The following DTWD2 variants were observed in gnomAD, a reference collection of about 807,000 sequenced individuals.
DTWD2 encodes tRNA-uridine aminocarboxypropyltransferase 2.
DTWD2 carries 39 observed loss-of-function variants against 31.8 expected under a neutral mutation model. The ratio of observed to expected loss-of-function variants is 1.22; its 90% CI spans 0.95 to 1.60. The LOEUF is 1.60. Ranked by LOEUF, DTWD2 falls within the 40% of genes most tolerant of loss-of-function variation. The probability of loss-of-function intolerance (pLI) is 0.00; values close to 1 mark genes in which losing one functional copy is unlikely to be tolerated. For missense variants in DTWD2, 515 were observed against 381.5 expected, an observed-to-expected ratio of 1.35 and a Z score of -2.92; for synonymous variants, 180 against 142.8, an observed-to-expected ratio of 1.26 and a Z score of -1.86.
chr5:118,908,042 C>G (rs1223870856), intron 4 of DTWD2, among the ~76,000 whole-genome samples: 1 of 152,092 alleles, frequency 6.6e-6, no homozygotes, highest in East Asian at 1.9e-4. Context: ...TATAAACTTG[C>G]CTTGAAGATG....
At chr5:118,899,251 A>C (rs1382414857) in intron 4 of DTWD2, among the ~76,000 whole-genome samples, 1 of 152,246 alleles carries the variant, frequency 6.6e-6, no homozygotes, top group African/African-American at 2.4e-5. Context: ...CATGTCAGAT[A>C]AGCTTAATTC....
intron 4 of DTWD2, among the ~76,000 whole-genome samples, chr5:118,904,334 T>G (rs932650942): frequency 6.6e-6 from 1 of 152,074 alleles, no homozygotes; most frequent in Non-Finnish European, 1.5e-5. Flanking sequence ...CAGTGTCTAA[T>G]AAAAAGAATA....
intron 4 of DTWD2, among the ~76,000 whole-genome samples, chr5:118,894,361 CAGAAATGCGGAATAAAAATACA>C (rs1753037420): frequency 6.6e-6 from 1 of 152,014 alleles, no homozygotes; most frequent in African/African-American, 2.4e-5. Flanking sequence ...AATTTATACA[CAGAAATGCGGAATAAAAATACA>C]AAACAATTTT....
rs1300985571 is a variant in DTWD2 at position 118,844,316 on chromosome 5, A to G, written c.727-3229T>C. ...GCCACATCTATCTTTAAAAATTCCTATGATAAAACTTCGTAAGTAGAAAAG... is the reference window on the plus strand; with the variant it reads ...GCCACATCTATCTTTAAAAATTCCTGTGATAAAACTTCGTAAGTAGAAAAG... On this transcript the variant is annotated intron_variant, in intron 5 of 5. Coordinates refer to ENST00000510708, the MANE Select transcript of DTWD2 (RefSeq NM_173666.4). 2.0e-5 allele frequency among the ~76,000 whole-genome samples: 3 copies of G among 152,356 alleles called. No individual in the cohort carries two copies. In the East Asian group the frequency reaches 5.8e-4, roughly 29 times the overall value.
At chr5:118,954,703 T>C (rs1054582387) in intron 1 of DTWD2, among the ~76,000 whole-genome samples, 1 of 152,080 alleles carries the variant, frequency 6.6e-6, no homozygotes, top group African/African-American at 2.4e-5. Flanking sequence ...ATAATTAATG[T>C]TATTTTTGGA....
Position 118,837,950 on chromosome 5 carries a change from G to C in DTWD2, c.*2967C>G, listed in dbSNP as rs1751609361. 1 of 152,058 alleles carries C rather than the reference G, an allele frequency of 6.6e-6. No individual in the cohort carries two copies. The highest frequency in any genetic ancestry group is 2.1e-4 in the South Asian group (1 of 4,824). 9.4% of individuals were successfully genotyped at this position (152,058 alleles called of 1,614,324 possible). A position where few individuals can be genotyped will look rare whatever the true frequency, so the allele number is the denominator to read the frequency against. ...ACATAAATAAATAAATCACTAACTG[G>C]TGGTATAGTGAGGAGCTTATTTCTT... is the stretch of plus-strand genomic sequence containing the variant. On this transcript the variant is annotated 3_prime_UTR_variant, in exon 6 of 6. Coordinates refer to ENST00000510708, the MANE Select transcript of DTWD2 (RefSeq NM_173666.4).
At chr5:118,966,901 G>A (rs1754863430) in intron 1 of DTWD2, among the ~76,000 whole-genome samples, 1 of 151,972 alleles carries the variant, frequency 6.6e-6, no homozygotes, top group Non-Finnish European at 1.5e-5. Context: ...ACGGTGGCAG[G>A]TGCCTGTAAG....
intron 4 of DTWD2, among the ~76,000 whole-genome samples, chr5:118,850,563 C>G (rs985912015): frequency 6.8e-6 from 1 of 146,578 alleles, no homozygotes; most frequent in African/African-American, 2.5e-5. Flanking sequence ...CTATAGAAAT[C>G]CTGGAAGAAA....
At chr5:118,955,714 G>C (rs1044445666) in intron 1 of DTWD2, among the ~76,000 whole-genome samples, 1 of 151,620 alleles carries the variant, frequency 6.6e-6, no homozygotes, top group African/African-American at 2.4e-5. Context: ...AGGATCACTT[G>C]AGCCCACTTT....
chr5:118,988,472 CG>C lies in DTWD2; in HGVS notation c.39del (p.Val14LeufsTer84). On this transcript the variant is annotated frameshift_variant, in exon 1 of 6. Transcript: ENST00000510708. LOFTEE classifies it high-confidence loss of function. ...CTTGAGGCCCCAGAAGGCCGCGCAACGGGCTCCTGGAGTGTTCGTGCCTCTT... is the reference window on the plus strand; with the variant it reads ...CTTGAGGCCCCAGAAGGCCGCGCAACGGCTCCTGGAGTGTTCGTGCCTCTT... ...SQKEARTLQE[P>X]VARPSGASSS... 1 of 1,605,318 alleles carries C rather than the reference CG, an allele frequency of 6.2e-7. No homozygotes were observed. Among genetic ancestry groups the C allele is most frequent in the Non-Finnish European group, 8.5e-7 (1 of 1,177,516 alleles).
intron 1 of DTWD2, among the ~76,000 whole-genome samples, chr5:118,977,003 T>C (rs1246029213): frequency 6.6e-6 from 1 of 152,226 alleles, no homozygotes; most frequent in Non-Finnish European, 1.5e-5. Context: ...TCAAGTCAGC[T>C]TCATACCTGG....
chr5:118,967,152 G>T (rs141522154), intron 1 of DTWD2, among the ~76,000 whole-genome samples: 1 of 148,812 alleles, frequency 6.7e-6, no homozygotes, highest in Non-Finnish European at 1.5e-5. Flanking sequence ...AATCAAACAT[G>T]TTGCAGATAA....
At chr5:118,858,261 T>C (rs887091747) in intron 4 of DTWD2, among the ~76,000 whole-genome samples, 3 of 151,726 alleles carry the variant, frequency 2.0e-5, no homozygotes, top group Non-Finnish European at 4.4e-5. Context: ...AATAAGGGGG[T>C]TGATTTAGAG....
At chr5:118,943,691 T>C (rs939630126) in intron 2 of DTWD2, among the ~76,000 whole-genome samples, 9 of 152,164 alleles carry the variant, frequency 5.9e-5, no homozygotes, top group African/African-American at 2.2e-4. Flanking sequence ...TGAGCTGAGA[T>C]TGTACCACTG....
At chr5:118,913,135 C>A (rs1009819581) in intron 4 of DTWD2, among the ~76,000 whole-genome samples, 32 of 151,930 alleles carry the variant, frequency 2.1e-4, no homozygotes, top group Non-Finnish European at 5.9e-5. Flanking sequence ...GGTCTGATTG[C>A]AAAAATTCAA....
At chr5:118,977,851 C>A (rs1048299006) in intron 1 of DTWD2, among the ~76,000 whole-genome samples, 2 of 152,060 alleles carry the variant, frequency 1.3e-5, no homozygotes, top group African/African-American at 4.8e-5. Context: ...TCATATGGAA[C>A]CAAAAAAGAA....
At position 118,955,480 on chromosome 5, in the gene DTWD2, A is replaced by G. The variant is rs116149117; in HGVS notation, c.219-10831T>C. ...ATCTCTCTAGAAGGTTTAAATATTT[A>G]AATTAATAATGGATTGAATAATTTA... is the stretch of plus-strand genomic sequence containing the variant. On this transcript the variant is annotated intron_variant, in intron 1 of 5. Transcript: ENST00000510708. Among the ~76,000 whole-genome samples, 708 of 152,320 alleles carry G rather than the reference A, an allele frequency of 4.6e-3. 4 individuals are homozygous for G. Among genetic ancestry groups the G allele is most frequent in the Non-Finnish European group, 7.2e-3 (491 of 68,030 alleles).
At chr5:118,921,709 G>C (rs956930718) in intron 4 of DTWD2, among the ~76,000 whole-genome samples, 5 of 152,124 alleles carry the variant, frequency 3.3e-5, no homozygotes, top group African/African-American at 1.2e-4. Context: ...GGAAAATACA[G>C]TACAGAAGTC....
chr5:118,891,867 T>C (rs1017224021), intron 4 of DTWD2, among the ~76,000 whole-genome samples: 2 of 152,112 alleles, frequency 1.3e-5, no homozygotes, highest in African/African-American at 2.4e-5. Context: ...TCTCTTAGCC[T>C]CAAACATCCA....
Sources: allele counts gnomAD v4.1 joint callset (sites outside exome capture counted in the v4.1 genomes callset), GRCh38; gene constraint gnomAD v4.1.1; transcripts MANE v1.5; gene names NCBI Gene and HGNC (gene_info 2026-07-23, HGNC 2026-07-21).